FBXO9: variants seen among roughly 807,000 people sequenced by gnomAD.
FBXO9 encodes F-box protein 9.
Under a neutral mutation model 63.7 loss-of-function variants are expected in FBXO9, and 43 were observed. That is an observed-to-expected ratio of 0.67 (90% CI 0.53 to 0.87). The LOEUF (loss-of-function observed/expected upper bound fraction) is 0.87, where lower values mean the gene tolerates loss of function less well. Ranked by LOEUF, FBXO9 falls within the 40% of genes least tolerant of loss-of-function variation. FBXO9 has a pLI of 0.00. For missense variants in FBXO9, 442 were observed against 533.2 expected, an observed-to-expected ratio of 0.83 and a Z score of 1.68; for synonymous variants, 156 against 171.7, an observed-to-expected ratio of 0.91 and a Z score of 0.72.
intron 12 of FBXO9, among the ~76,000 whole-genome samples, chr6:53,097,308 A>G (rs1315412317): frequency 6.6e-6 from 1 of 152,206 alleles, no homozygotes; most frequent in Non-Finnish European, 1.5e-5. Flanking sequence ...GGACATCAAA[A>G]TCACATAATT....
intron 4 of FBXO9, among the ~76,000 whole-genome samples, chr6:53,077,334 G>A (rs1424852190): frequency 2.6e-5 from 4 of 151,140 alleles, no homozygotes; most frequent in Non-Finnish European, 4.5e-5. Context: ...ATTAGCCGGC[G>A]TAGTGGCGGG....
At position 53,093,881 on chromosome 6, in the gene FBXO9, T is replaced by TA; in HGVS notation, c.960-2dup. ...TTAGATTCAATTTGTTTTTTTTTTT[T>TA]AAGGACTGATGCAATTCTACTGGGT... On this transcript the variant is annotated splice_polypyrimidine_tract_variant and splice_region_variant and intron_variant, in intron 10 of 12. Coordinates refer to ENST00000323557, the MANE Select transcript of FBXO9 (RefSeq NM_033480.3). 3 of 1,526,982 alleles carry TA rather than the reference T, an allele frequency of 2.0e-6. No individual in the cohort carries two copies. Among genetic ancestry groups the TA allele is most frequent in the Non-Finnish European group, 2.6e-6 (3 of 1,135,858 alleles). 94.6% of individuals were successfully genotyped at this position (1,526,982 alleles called of 1,614,324 possible).
chr6:53,065,542 G>A lies in FBXO9; in HGVS notation c.-248G>A, dbSNP rs1768661260. The stretch of plus-strand genomic sequence containing the variant: ...GGCAACGGGCGTCCCTCCACTCCCC[G>A]AGTCCCCGGCAGCCGCCGCCACCCC... On this transcript the variant is annotated 5_prime_UTR_variant, in exon 1 of 13. Coordinates refer to ENST00000323557, the MANE Select transcript of FBXO9 (RefSeq NM_033480.3). The A allele has an allele frequency of 7.4e-6, 3 of 403,076 alleles. No homozygotes were observed. Among genetic ancestry groups the A allele is most frequent in the African/African-American group, 2.1e-5 (1 of 48,364 alleles). The allele number at this position is 403,076 out of a possible 1,614,324, so 25.0% of individuals were successfully genotyped here.
intron 11 of FBXO9, chr6:53,094,877 A>T (rs554863332): frequency 3.4e-6 from 1 of 294,138 alleles, no homozygotes; most frequent in Non-Finnish European, 6.9e-6. Context: ...TTAGTTGCTC[A>T]GGTTTTATCT....
chr6:53,078,023 G>C (rs145951513), intron 4 of FBXO9, among the ~76,000 whole-genome samples: 296 of 152,010 alleles, frequency 1.9e-3, no homozygotes, highest in African/African-American at 6.7e-3. Context: ...AGATTACTTA[G>C]GTAAATAAGA....
intron 4 of FBXO9, among the ~76,000 whole-genome samples, chr6:53,077,956 T>C (rs1369693768): frequency 6.6e-6 from 1 of 152,212 alleles, no homozygotes; most frequent in African/African-American, 2.4e-5. Flanking sequence ...GGGAGAGTTA[T>C]TGAATATTAC....
chr6:53,077,433 A>ACT (rs1287814275), intron 4 of FBXO9, among the ~76,000 whole-genome samples: 5 of 126,476 alleles, frequency 4.0e-5, no homozygotes, highest in Admixed American at 1.0e-4. Context: ...AGATCCCGCC[A>ACT]CTGCACTCCA....
At position 53,073,512 on chromosome 6, in the gene FBXO9, T is replaced by G. The variant is rs1341219278; in HGVS notation, c.122T>G (p.Met41Arg). The G allele has an allele frequency of 9.3e-6, 15 of 1,613,840 alleles. No individual in the cohort carries two copies. The highest frequency in any genetic ancestry group is 1.3e-5 in the Non-Finnish European group (15 of 1,179,818). The change falls in exon 3 of 13, where the codon ATG (methionine) becomes AGG (arginine). Residue 41 changes from methionine to arginine, a missense_variant. Around this residue, in one of 2 missense-constraint regions of FBXO9, gnomAD observed 180 missense variants for 171.1 expected, o/e 1.05. Transcript: ENST00000323557. ...AQLQMFRAQW[M>R]FELAPGVSSS... ...CTCCAGATGTTCCGAGCTCAGTGGA[T>G]GTTTGAACTTGCTCCAGGTGTAAGC... is the stretch of plus-strand genomic sequence containing the variant.
At chr6:53,066,061 G>A in intron 1 of FBXO9, 2 of 1,220,706 alleles carry the variant, frequency 1.6e-6, no homozygotes, top group African/African-American at 3.1e-5. Context: ...GGACAGCCGG[G>A]GAAAATGTCC....
chr6:53,092,926 C>T (rs1763086400), intron 9 of FBXO9, 102 bp downstream of exon 9: 1 of 672,342 alleles, frequency 1.5e-6, no homozygotes, highest in Admixed American at 3.3e-5. Flanking sequence ...CGCAAAATGG[C>T]CCTCAGTATT....
At position 53,080,949 on chromosome 6, in the gene FBXO9, T is replaced by C; in HGVS notation, c.408-19T>C. 1 of 1,613,018 alleles carries C rather than the reference T, an allele frequency of 6.2e-7. No individual in the cohort carries two copies. The highest frequency in any genetic ancestry group is 8.5e-7 in the Non-Finnish European group (1 of 1,179,648). Reference sequence around the variant, plus strand: ...CTTGTAGACTGAGGCACTTAATTTATTCACCTCCCTTTTTTCAGCATTGAA... The same window carrying C: ...CTTGTAGACTGAGGCACTTAATTTACTCACCTCCCTTTTTTCAGCATTGAA... On this transcript the variant is annotated intron_variant, in intron 5 of 12. Coordinates refer to ENST00000323557, the MANE Select transcript of FBXO9 (RefSeq NM_033480.3).
At position 53,082,542 on chromosome 6, in the gene FBXO9, G is replaced by A. The variant is rs765673750; in HGVS notation, c.577G>A (p.Val193Met). The part of the protein sequence containing the change: ...MEVLMYIFRW[V>M]VSSDLDLRSL... Reference sequence around the variant, plus strand: ...GGTCCTGATGTACATCTTCCGATGGGTGGTGTCTAGTGACTTGGACCTCAG... The same window carrying A: ...GGTCCTGATGTACATCTTCCGATGGATGGTGTCTAGTGACTTGGACCTCAG... The change falls in exon 7 of 13, where the codon GTG (valine) becomes ATG (methionine). Residue 193 changes from valine (V) to methionine (M), a missense_variant. Around this residue, in one of 2 missense-constraint regions of FBXO9, gnomAD observed 262 missense variants for 362.1 expected, o/e 0.72. Transcript: ENST00000323557. 6.2e-7 allele frequency: 1 copy of A among 1,613,836 alleles called. No individual in the cohort carries two copies. The highest frequency in any genetic ancestry group is 8.5e-7 in the Non-Finnish European group (1 of 1,179,758).
In FBXO9 at chr6:53,080,923, G is replaced by A. The variant is rs377347719; in HGVS notation, c.408-45G>A. 6.2e-5 allele frequency: 100 copies of A among 1,607,684 alleles called. No individual in the cohort carries two copies. The African/African-American group carries it at 8.6e-4, about 14-fold the overall frequency. ...TGAAAAATCAGTTTCTAAACTGTAC[G>A]CTTGTAGACTGAGGCACTTAATTTA... On this transcript the variant is annotated intron_variant, in intron 5 of 12. Coordinates refer to ENST00000323557, the MANE Select transcript of FBXO9 (RefSeq NM_033480.3).
At chr6:53,074,721 C>T (rs946428507) in intron 3 of FBXO9, among the ~76,000 whole-genome samples, 1 of 152,166 alleles carries the variant, frequency 6.6e-6, no homozygotes, top group African/African-American at 2.4e-5. Context: ...AGTATGTAAC[C>T]TTTTGAGATT....
At chr6:53,069,531 A>G (rs1232692640) in intron 1 of FBXO9, among the ~76,000 whole-genome samples, 1 of 152,254 alleles carries the variant, frequency 6.6e-6, no homozygotes, top group Non-Finnish European at 1.5e-5. Context: ...GTCTTGCAAA[A>G]GAAAAAAGAA....
At chr6:53,078,439 A>C (rs190514382) in intron 4 of FBXO9, among the ~76,000 whole-genome samples, 10 of 152,338 alleles carry the variant, frequency 6.6e-5, no homozygotes, top group Admixed American at 1.3e-4. Context: ...AACCTGGACA[A>C]CAGAGTGAGA....
In FBXO9 at chr6:53,097,914, G is replaced by A. The variant is rs1478086821; in HGVS notation, c.*84G>A. The A allele has an allele frequency of 1.1e-4, 15 of 140,018 alleles. No homozygotes were observed. The highest frequency in any genetic ancestry group is 1.7e-4 in the Non-Finnish European group (14 of 82,090). The allele number at this position is 140,018 out of a possible 1,614,324, so 8.7% of individuals were successfully genotyped here. A position where few individuals can be genotyped will look rare whatever the true frequency, so the allele number is the denominator to read the frequency against. Reference sequence around the variant, plus strand: ...GCACCTAAGTTATAAATGTGTGTGTGTGCGTGTGTGTGTATATATATATAT... The same window carrying A: ...GCACCTAAGTTATAAATGTGTGTGTATGCGTGTGTGTGTATATATATATAT... On this transcript the variant is annotated 3_prime_UTR_variant, in exon 13 of 13. Transcript: ENST00000323557.
chr6:53,084,203 C>T (rs1466595731), intron 7 of FBXO9, among the ~76,000 whole-genome samples: 1 of 152,182 alleles, frequency 6.6e-6, no homozygotes, highest in Non-Finnish European at 1.5e-5. Flanking sequence ...TTAAGAACAA[C>T]TAATTGAGTA....
intron 7 of FBXO9, among the ~76,000 whole-genome samples, chr6:53,084,315 G>T (rs1386835826): frequency 6.6e-6 from 1 of 152,050 alleles, no homozygotes; most frequent in African/African-American, 2.4e-5. Context: ...ATTTATCTAG[G>T]TACAGCATGT....
Sources: gnomAD v4.1 joint callset for allele counts (sites outside exome capture counted in the v4.1 genomes callset) on GRCh38, gnomAD v4.1.1 for gene constraint, gnomAD v4.1.1 regional missense constraint, MANE v1.5 for transcripts, NCBI Gene and HGNC (gene_info 2026-07-23, HGNC 2026-07-21) for gene names.